DYSF: variants seen among roughly 807,000 people sequenced by gnomAD.
The protein encoded by DYSF is dystrophy-associated fer-1-like 1.
DYSF carries 212 observed loss-of-function variants against 274.9 expected under a neutral mutation model. That is an observed-to-expected ratio of 0.77 (90% CI 0.69 to 0.86). The LOEUF is 0.86. DYSF is among the 40% of genes least tolerant of loss of function. The pLI is 0.00. For synonymous variants in DYSF, 1,091 were observed against 1,078.7 expected, an observed-to-expected ratio of 1.01 and a Z score of -0.22; for missense variants, 2,666 against 2,783.2, an observed-to-expected ratio of 0.96 and a Z score of 0.95.
chr2:71,662,715 ATGTG>A (rs1173077400), intron 45 of DYSF, among the ~76,000 whole-genome samples: 2 of 139,708 alleles, frequency 1.4e-5, no homozygotes, highest in East Asian at 2.3e-4. Context: ...TGTTGTATGT[ATGTG>A]TGTGTATGTG....
chr2:71,660,188 A>G (rs1012867730), intron 44 of DYSF, among the ~76,000 whole-genome samples: 4 of 152,190 alleles, frequency 2.6e-5, no homozygotes, highest in African/African-American at 9.7e-5. Context: ...ACATAGGCTG[A>G]CCACCCCTCT....
At position 71,570,186 on chromosome 2, in the gene DYSF, G is replaced by C. The variant is rs752636076; in HGVS notation, c.2980-43G>C. Reference sequence around the variant, plus strand: ...CTTTTCTGCCTCCCTGCTCACATCTGTCTGTCTCCTCTCATTGCTTGCCTG... The same window carrying C: ...CTTTTCTGCCTCCCTGCTCACATCTCTCTGTCTCCTCTCATTGCTTGCCTG... On this transcript the variant is annotated intron_variant, in intron 27 of 55. Transcript: ENST00000410020. The C allele has an allele frequency of 4.5e-6, 7 of 1,559,752 alleles. 1 individual carries two copies. The South Asian group carries it at 7.8e-5, about 17-fold the overall frequency.
intron 32 of DYSF, among the ~76,000 whole-genome samples, 193 bp downstream of exon 32, chr2:71,590,481 A>G (rs576002693): frequency 6.6e-6 from 1 of 151,994 alleles, no homozygotes; most frequent in Non-Finnish European, 1.5e-5. Flanking sequence ...TCTTGGTAGG[A>G]TCAGGCTTCG....
chr2:71,458,001 A>G (rs1314100167), intron 1 of DYSF, among the ~76,000 whole-genome samples: 2 of 152,198 alleles, frequency 1.3e-5, no homozygotes, highest in Non-Finnish European at 2.9e-5. Flanking sequence ...GTCCAGTGGG[A>G]TAACAGCATC....
At chr2:71,641,430 C>T (rs1055093873) in intron 41 of DYSF, among the ~76,000 whole-genome samples, 5 of 152,108 alleles carry the variant, frequency 3.3e-5, no homozygotes, top group African/African-American at 7.2e-5. Flanking sequence ...CCACCCGCCT[C>T]GGCCTCCCAA....
At chr2:71,664,241 G>A in intron 45 of DYSF, 27 bp from the exon 46 acceptor site, 1 of 1,613,560 alleles carries the variant, frequency 6.2e-7, no homozygotes, top group Middle Eastern at 1.7e-4. Flanking sequence ...CGTGTTGGCT[G>A]ACATCGGGAA....
intron 55 of DYSF, among the ~76,000 whole-genome samples, chr2:71,685,191 G>A (rs770418300): frequency 3.3e-5 from 5 of 152,232 alleles, no homozygotes; most frequent in East Asian, 1.9e-4. Flanking sequence ...GGCAGAAGCA[G>A]AGTGGTACTG....
chr2:71,659,895 G>A (rs2094846341), intron 44 of DYSF, among the ~76,000 whole-genome samples: 1 of 152,228 alleles, frequency 6.6e-6, no homozygotes, highest in Non-Finnish European at 1.5e-5. Flanking sequence ...TCCTGAGGCA[G>A]GTTTAGGCCC....
intron 22 of DYSF, among the ~76,000 whole-genome samples, chr2:71,556,760 G>A (rs551152365): frequency 1.3e-5 from 2 of 152,346 alleles, no homozygotes; most frequent in South Asian, 4.1e-4. Context: ...ACTTTGGGAA[G>A]CTTCTCTTCT....
chr2:71,492,047 T>C (rs548136458), intron 3 of DYSF, among the ~76,000 whole-genome samples: 1 of 152,218 alleles, frequency 6.6e-6, no homozygotes, highest in Middle Eastern at 3.2e-3. Context: ...CTCATTGTTT[T>C]CAGCGGGCCC....
At chr2:71,509,136 G>A (rs901100208) in intron 4 of DYSF, among the ~76,000 whole-genome samples, 3 of 152,098 alleles carry the variant, frequency 2.0e-5, no homozygotes, top group African/African-American at 7.2e-5. Context: ...GATTACAGGC[G>A]TGAGCCACTG....
intron 7 of DYSF, among the ~76,000 whole-genome samples, 170 bp from the exon 8 acceptor site, chr2:71,515,453 G>A (rs1432224119): frequency 6.6e-6 from 1 of 152,102 alleles, no homozygotes; most frequent in Non-Finnish European, 1.5e-5. Context: ...AAGGGGCCTT[G>A]GTGGGAAAAT....
At chr2:71,477,771 T>C (rs961092010) in intron 1 of DYSF, among the ~76,000 whole-genome samples, 2 of 152,240 alleles carry the variant, frequency 1.3e-5, no homozygotes, top group Non-Finnish European at 2.9e-5. Flanking sequence ...AGATTTCACA[T>C]TGCAACTTAC....
At chr2:71,510,563 T>C (rs2085985851) in intron 4 of DYSF, among the ~76,000 whole-genome samples, 1 of 152,228 alleles carries the variant, frequency 6.6e-6, no homozygotes, top group Non-Finnish European at 1.5e-5. Context: ...CCACCAGTGC[T>C]GCTCTCCTTA....
At chr2:71,593,548 G>T (rs145252967) in intron 32 of DYSF, among the ~76,000 whole-genome samples, 1 of 152,198 alleles carries the variant, frequency 6.6e-6, no homozygotes. Context: ...CTTAGAACAC[G>T]TCACCAACAC....
chr2:71,611,778 C>T (rs2093768158), intron 38 of DYSF, 152 bp downstream of exon 38: 1 of 1,081,630 alleles, frequency 9.2e-7, no homozygotes. Flanking sequence ...AATGCTCATA[C>T]CCTCCTCACT....
In DYSF at chr2:71,570,625, C is replaced by G. The variant is rs759300020; in HGVS notation, c.3112C>G (p.Pro1038Ala). 6.8e-6 allele frequency: 11 copies of G among 1,614,034 alleles called. No homozygotes were observed. Among genetic ancestry groups the G allele is most frequent in the Non-Finnish European group, 9.3e-6 (11 of 1,179,966 alleles). The change falls in exon 29 of 56, where the codon CCG becomes GCG. Residue 1038 changes from proline (P) to alanine (A), a missense_variant. By Grantham distance (27) the Pro-to-Ala change is conservative (BLOSUM62 -1). This residue lies in a region of DYSF where 1,460 missense variants were observed against 1,502.1 expected (regional missense o/e 0.97). Coordinates refer to ENST00000410020, the MANE Select transcript of DYSF (RefSeq NM_001130987.2). ...QGWEYSITIP[P>A]ERKPKHWVPA... ...CTGGGAGTATAGCATCACCATCCCC[C>G]CGGAGCGGAAGCCGAAGCACTGGGT...
In DYSF at chr2:71,660,558, A is replaced by G; in HGVS notation, c.4912-2A>G. The G allele has an allele frequency of 6.2e-7, 1 of 1,613,430 alleles. No homozygotes were observed. The highest frequency in any genetic ancestry group is 1.1e-5 in the South Asian group (1 of 91,068). The stretch of plus-strand genomic sequence containing the variant: ...ACAGAAGTGTTTTGTCTCCTCCTCC[A>G]GTGTGATCCTTACATCAAGATCTCC... On this transcript the variant is annotated splice_acceptor_variant, in intron 44 of 55. Transcript: ENST00000410020. LOFTEE classifies it high-confidence loss of function.
At chr2:71,478,243 A>T (rs559982774) in intron 1 of DYSF, among the ~76,000 whole-genome samples, 1 of 144,896 alleles carries the variant, frequency 6.9e-6, no homozygotes, top group Non-Finnish European at 1.5e-5. Flanking sequence ...GCAGAGTCTC[A>T]CTCTGTCGCC....
Sources: gnomAD v4.1 joint callset for allele counts (sites outside exome capture counted in the v4.1 genomes callset) on GRCh38, gnomAD v4.1.1 for gene constraint, gnomAD v4.1.1 regional missense constraint, MANE v1.5 for transcripts, NCBI Gene and HGNC (gene_info 2026-07-23, HGNC 2026-07-21) for gene names.